Variants in DAPK1 observed in about 807,000 individuals in gnomAD.
The protein encoded by DAPK1 is death-associated protein kinase 1.
DAPK1 carries 56 observed loss-of-function variants against 144.9 expected under a neutral mutation model. The observed-to-expected ratio is 0.39, with a 90% CI of 0.31 to 0.48. DAPK1 has a LOEUF of 0.48. Among genes scored for constraint, DAPK1 ranks in the 20% least tolerant of loss-of-function variants. The pLI, the probability that DAPK1 is intolerant of heterozygous loss-of-function variation, is 0.95. For missense variants in DAPK1, 1,454 were observed against 1,875.4 expected (o/e 0.78, Z 4.15); for synonymous variants, 690 against 749.0 (o/e 0.92, Z 1.29).
intron 3 of DAPK1, among the ~76,000 whole-genome samples, chr9:87,626,233 T>C (rs1270718500): frequency 6.6e-6 from 1 of 152,170 alleles, no homozygotes; most frequent in Non-Finnish European, 1.5e-5. Context: ...CTGACCAACA[T>C]GGTGAAACCC....
intron 2 of DAPK1, 116 bp downstream of exon 2, chr9:87,499,255 A>C: frequency 1.1e-6 from 1 of 925,448 alleles, no homozygotes; most frequent in Non-Finnish European, 1.7e-6. Context: ...CTTTCTGGAG[A>C]TGCGCAAATC....
rs771346072 is a variant in DAPK1 at position 87,707,128 on chromosome 9, T to C, written c.4057T>C (p.Phe1353Leu). The stretch of plus-strand genomic sequence containing the variant: ...CACCAGTAACGGGGCTCCCAAGGAT[T>C]TCCTCCCCAGCCCCCTCCACGCCCT... The part of the protein sequence containing the change: ...YNTSNGAPKD[F>L]LPSPLHALLR... The change falls in exon 26 of 26, where the codon TTC (phenylalanine) becomes CTC (leucine). Residue 1353 changes from phenylalanine (F) to leucine (L), a missense_variant. By Grantham distance (22) the Phe-to-Leu change is conservative. Around this residue, in one of 2 missense-constraint regions of DAPK1, gnomAD observed 1,025 missense variants for 1,237.9 expected, o/e 0.83. Transcript: ENST00000408954. This position sits in a 1 kb window ranked among gnomAD's most constrained non-coding sequence, Gnocchi z 4.0. 1 of 1,613,776 alleles carries C rather than the reference T, an allele frequency of 6.2e-7. No individual in the cohort carries two copies. Among genetic ancestry groups the C allele is most frequent in the African/African-American group, 1.3e-5 (1 of 74,892 alleles).
chr9:87,706,558 G>C lies in DAPK1; in HGVS notation c.3487G>C (p.Gly1163Arg). The change falls in exon 26 of 26, where the codon GGC becomes CGC. Residue 1163 changes from glycine (G) to arginine (R), a missense_variant. Around this residue, in one of 2 missense-constraint regions of DAPK1, gnomAD observed 1,025 missense variants for 1,237.9 expected, o/e 0.83. Transcript: ENST00000408954. The surrounding 1 kb of genome is among the most constrained non-coding windows in gnomAD (Gnocchi z 9.0). ...GTGGATCCACCAGCAAAGCACAGAG[G>C]GCGACGCGGACATCCGCCTGTGGGT... ...CRWIHQQSTEGDADIRLWVNG... is the reference protein window; with the variant it reads ...CRWIHQQSTERDADIRLWVNG... 6.2e-7 allele frequency: 1 copy of C among 1,613,864 alleles called. No individual in the cohort carries two copies. Among genetic ancestry groups the C allele is most frequent in the African/African-American group, 1.3e-5 (1 of 75,060 alleles).
chr9:87,698,114 AT>A (rs561815400), intron 22 of DAPK1, among the ~76,000 whole-genome samples: 1 of 152,106 alleles, frequency 6.6e-6, no homozygotes, highest in African/African-American at 2.4e-5. Flanking sequence ...TCAGCAGTCA[AT>A]TTTTTTTCTT....
chr9:87,528,497 C>G (rs1016715987), intron 2 of DAPK1, among the ~76,000 whole-genome samples: 1 of 152,226 alleles, frequency 6.6e-6, no homozygotes, highest in Admixed American at 6.5e-5. Context: ...GGATTACAGG[C>G]GTGAGCCACC....
chr9:87,703,007 T>C (rs1469259580), intron 24 of DAPK1, 22 bp from the exon 25 acceptor site: 7 of 1,298,018 alleles, frequency 5.4e-6, no homozygotes, highest in Non-Finnish European at 5.6e-6. Flanking sequence ...TGAGTTAACC[T>C]GTCTGGCCCT....
chr9:87,517,897 A>G (rs13292784), intron 2 of DAPK1, among the ~76,000 whole-genome samples: 92,913 of 151,842 alleles, frequency 0.61, 28,766 homozygotes, highest in South Asian at 0.83. Flanking sequence ...GCAGAATGGG[A>G]AGGTGAGTCT....
chr9:87,697,957 AAAAAG>A (rs1438760455), intron 22 of DAPK1, among the ~76,000 whole-genome samples: 1 of 152,234 alleles, frequency 6.6e-6, no homozygotes, highest in African/African-American at 2.4e-5. Flanking sequence ...TGTCTCAAAA[AAAAAG>A]AGAGAGAAAT....
At chr9:87,549,107 C>T (rs548647971) in intron 2 of DAPK1, among the ~76,000 whole-genome samples, 5 of 152,124 alleles carry the variant, frequency 3.3e-5, no homozygotes, top group African/African-American at 9.6e-5. Context: ...GCATCCCCCA[C>T]AGGCTTCAGT....
At chr9:87,648,741 C>T (rs747948610) in intron 14 of DAPK1, 40 bp from the exon 15 acceptor site, 1 of 1,559,926 alleles carries the variant, frequency 6.4e-7, no homozygotes, top group African/African-American at 1.4e-5. Flanking sequence ...AGCCTGCTCA[C>T]AGATGTGGCT....
intron 18 of DAPK1, among the ~76,000 whole-genome samples, chr9:87,663,252 G>A (rs1313112925): frequency 2.0e-5 from 3 of 152,076 alleles, no homozygotes; most frequent in Non-Finnish European, 4.4e-5. Flanking sequence ...CTTCTAAACT[G>A]TCTTACTATA....
rs1291576130 is a variant in DAPK1 at position 87,571,462 on chromosome 9, CACACACACACACCA to C, written c.63-33479_63-33466del. ...ACACACACACACACACACACACACACACACACACACACCAACACACACACACACACACCCCAACA... is the reference window on the plus strand; with the variant it reads ...ACACACACACACACACACACACACACACACACACACACACACACCCCAACA... On this transcript the variant is annotated intron_variant, in intron 2 of 25. Coordinates refer to ENST00000408954, the MANE Select transcript of DAPK1 (RefSeq NM_004938.4). Among the ~76,000 whole-genome samples the C allele has an allele frequency of 4.1e-3, 266 of 64,924 alleles. 6 individuals are homozygous for C. Among genetic ancestry groups the C allele is most frequent in the African/African-American group, 8.1e-3 (103 of 12,738 alleles). 42.6% of individuals were successfully genotyped at this position (64,924 alleles called of 152,430 possible).
chr9:87,683,065 GA>G (rs1236232294), intron 20 of DAPK1, among the ~76,000 whole-genome samples: 1 of 149,086 alleles, frequency 6.7e-6, no homozygotes, highest in African/African-American at 2.4e-5. Context: ...TATTATTAAA[GA>G]AAAAAATTTA....
chr9:87,641,990 C>G lies in DAPK1; in HGVS notation c.850C>G (p.Leu284Val). 1 of 1,613,788 alleles carries G rather than the reference C, an allele frequency of 6.2e-7. No homozygotes were observed. Among genetic ancestry groups the G allele is most frequent in the Non-Finnish European group, 8.5e-7 (1 of 1,179,880 alleles). Reference protein sequence around the residue: ...WIKPKDTQQALSRKASAVNME... With the variant: ...WIKPKDTQQAVSRKASAVNME... The stretch of plus-strand genomic sequence containing the variant: ...TTAGCCTAAAGATACACAACAGGCA[C>G]TTAGTAGAAAAGCATCAGCAGTAAA... Residue 284 changes from leucine to valine, a missense_variant, in exon 10 of 26, where the codon CTT becomes GTT. Leu to Val is a conservative substitution (Grantham distance 32). Transcript: ENST00000408954.
At chr9:87,646,952 C>T (rs1830287803) in intron 13 of DAPK1, among the ~76,000 whole-genome samples, 1 of 152,188 alleles carries the variant, frequency 6.6e-6, no homozygotes. Context: ...TGGCCCTCTG[C>T]AGTAAGGGAA....
chr9:87,645,872 C>T, intron 11 of DAPK1, 23 bp from the exon 12 acceptor site: 1 of 1,611,946 alleles, frequency 6.2e-7, no homozygotes. Context: ...AACTCTGTTT[C>T]CATCTTGGCT....
At chr9:87,646,590 T>G (rs753834022) in intron 13 of DAPK1, 31 bp downstream of exon 13, 4 of 1,544,998 alleles carry the variant, frequency 2.6e-6, no homozygotes, top group African/African-American at 1.4e-5. Context: ...ATGAATTGAA[T>G]TTTAAAGTAT....
At chr9:87,501,070 G>A (rs1824371091) in intron 2 of DAPK1, among the ~76,000 whole-genome samples, 1 of 152,188 alleles carries the variant, frequency 6.6e-6, no homozygotes, top group Non-Finnish European at 1.5e-5. Flanking sequence ...TGGACATGTA[G>A]GAAGATGCTG....
At chr9:87,620,129 C>A (rs1829237117) in intron 3 of DAPK1, among the ~76,000 whole-genome samples, 1 of 152,148 alleles carries the variant, frequency 6.6e-6, no homozygotes, top group African/African-American at 2.4e-5. Flanking sequence ...TCAGGCCACC[C>A]TCTCCCTGGC....
Sources: gnomAD v4.1 joint callset for allele counts (sites outside exome capture counted in the v4.1 genomes callset) on GRCh38, gnomAD v4.1.1 for gene constraint, gnomAD v4.1.1 regional missense constraint, Gnocchi (gnomAD v3.1) non-coding constraint, MANE v1.5 for transcripts, NCBI Gene and HGNC (gene_info 2026-07-23, HGNC 2026-07-21) for gene names.